Variants in GMDS observed in about 807,000 individuals in gnomAD.
GMDS encodes the protein GDP-mannose 4,6-dehydratase.
A neutral mutation model predicts 49.9 loss-of-function variants in GMDS; 20 were observed. That is an observed-to-expected ratio of 0.40 (90% CI 0.28 to 0.58). GMDS has a LOEUF of 0.58. GMDS is among the 20% of genes least tolerant of loss of function. The pLI is 0.42. For synonymous variants in GMDS, 177 were observed against 178.6 expected (o/e 0.99, Z 0.07); for missense variants, 362 against 481.4 (o/e 0.75, Z 2.32).
intron 4 of GMDS, among the ~76,000 whole-genome samples, chr6:2,111,927 A>G (rs1302585176): frequency 1.3e-5 from 2 of 152,212 alleles, no homozygotes; most frequent in African/African-American, 2.4e-5. Flanking sequence ...AACAATTGCA[A>G]CCCACCATGG....
At chr6:2,059,387 AATT>A (rs1770985800) in intron 4 of GMDS, among the ~76,000 whole-genome samples, 1 of 151,928 alleles carries the variant, frequency 6.6e-6, no homozygotes, top group African/African-American at 2.4e-5. Context: ...TGTTTTAGAA[AATT>A]ATTCACTTAT....
chr6:2,165,288 C>T (rs1430163015), intron 1 of GMDS, among the ~76,000 whole-genome samples: 2 of 152,202 alleles, frequency 1.3e-5, no homozygotes, highest in African/African-American at 4.8e-5. Context: ...GATCTGCAGT[C>T]CACACGCTGA....
chr6:1,967,724 G>A (rs992512468), intron 4 of GMDS, among the ~76,000 whole-genome samples: 3 of 152,164 alleles, frequency 2.0e-5, no homozygotes, highest in African/African-American at 2.4e-5. Context: ...CCTCAGGGGC[G>A]AGTAGCAAAG....
chr6:2,208,187 C>A (rs1480170057), intron 1 of GMDS, among the ~76,000 whole-genome samples: 2 of 152,186 alleles, frequency 1.3e-5, no homozygotes, highest in Admixed American at 1.3e-4. Context: ...TAATCAATGA[C>A]CTAGGTAGCC....
intron 9 of GMDS, among the ~76,000 whole-genome samples, chr6:1,630,048 C>G (rs548199461): frequency 1.3e-5 from 2 of 152,176 alleles, no homozygotes; most frequent in East Asian, 3.9e-4. Flanking sequence ...ATAGTGCAAC[C>G]TACATATAAA....
intron 1 of GMDS, among the ~76,000 whole-genome samples, chr6:2,135,092 CA>C (rs1775928523): frequency 6.6e-6 from 1 of 152,152 alleles, no homozygotes; most frequent in Admixed American, 6.5e-5. Context: ...ATTCTAATTA[CA>C]GTGTTATGTC....
intron 2 of GMDS, among the ~76,000 whole-genome samples, chr6:2,118,682 GA>G (rs1423455347): frequency 6.6e-6 from 1 of 152,098 alleles, no homozygotes; most frequent in Non-Finnish European, 1.5e-5. Context: ...TGCTTTGGAA[GA>G]AAAGCACTCA....
chr6:1,947,442 A>G (rs889965618), intron 6 of GMDS, among the ~76,000 whole-genome samples: 14 of 152,142 alleles, frequency 9.2e-5, no homozygotes, highest in Admixed American at 7.2e-4. Context: ...CCTTCTTTAC[A>G]CTGTGTGGGC....
At chr6:1,800,216 G>C (rs80129121) in intron 7 of GMDS, among the ~76,000 whole-genome samples, 2 of 152,270 alleles carry the variant, frequency 1.3e-5, no homozygotes, top group East Asian at 3.9e-4. Context: ...TAAGTAACAT[G>C]ATATATGGAA....
intron 7 of GMDS, among the ~76,000 whole-genome samples, chr6:1,898,740 C>T (rs960454773): frequency 8.5e-5 from 13 of 152,150 alleles, no homozygotes; most frequent in African/African-American, 2.9e-4. Context: ...CAACTTCCTG[C>T]GGGGAGATGA....
At chr6:2,173,239 T>C (rs2127556093) in intron 1 of GMDS, among the ~76,000 whole-genome samples, 1 of 152,192 alleles carries the variant, frequency 6.6e-6, no homozygotes, top group South Asian at 2.1e-4. Flanking sequence ...AATAGAAAAA[T>C]CTTCCTGCCT....
chr6:1,945,535 G>A (rs1031100079), intron 6 of GMDS, among the ~76,000 whole-genome samples: 3 of 152,202 alleles, frequency 2.0e-5, no homozygotes, highest in South Asian at 4.2e-4. Flanking sequence ...GGTTATAGTC[G>A]GGTTGGCTTG....
intron 4 of GMDS, among the ~76,000 whole-genome samples, chr6:2,059,491 G>A (rs1248222492): frequency 3.2e-4 from 48 of 149,364 alleles, no homozygotes; most frequent in African/African-American, 1.1e-3. Flanking sequence ...GGTGGATCAC[G>A]AGGTCAGGAG....
At chr6:1,726,258 A>G (rs1766582088) in intron 9 of GMDS, among the ~76,000 whole-genome samples, 158 bp downstream of exon 9, 1 of 152,262 alleles carries the variant, frequency 6.6e-6, no homozygotes, top group Non-Finnish European at 1.5e-5. Flanking sequence ...ATAATCTCAA[A>G]TTGAATTCAC....
chr6:1,680,106 A>C (rs1020154293), intron 9 of GMDS, among the ~76,000 whole-genome samples: 1 of 152,220 alleles, frequency 6.6e-6, no homozygotes, highest in African/African-American at 2.4e-5. Flanking sequence ...GTACACTGAA[A>C]TTACGCGCAC....
At chr6:1,968,051 G>A (rs1764367564) in intron 4 of GMDS, among the ~76,000 whole-genome samples, 1 of 152,176 alleles carries the variant, frequency 6.6e-6, no homozygotes, top group Non-Finnish European at 1.5e-5. Flanking sequence ...AGACCTCACA[G>A]CAAATAAAAC....
At chr6:2,007,549 G>GT (rs1349950384) in intron 4 of GMDS, among the ~76,000 whole-genome samples, 1 of 151,120 alleles carries the variant, frequency 6.6e-6, no homozygotes, top group Non-Finnish European at 1.5e-5. Context: ...GTTACTTTCA[G>GT]TTTTTTCTTT....
At chr6:1,723,089 T>G (rs1480782020) in intron 9 of GMDS, among the ~76,000 whole-genome samples, 1 of 152,150 alleles carries the variant, frequency 6.6e-6, no homozygotes, top group African/African-American at 2.4e-5. Context: ...TTTGAGGCAC[T>G]AAATCAATGA....
At chr6:2,034,585 A>G (rs934154281) in intron 4 of GMDS, among the ~76,000 whole-genome samples, 2 of 152,210 alleles carry the variant, frequency 1.3e-5, no homozygotes, top group African/African-American at 4.8e-5. Context: ...CGCTGTTATT[A>G]AAAAACGTAA....
Sources: gnomAD v4.1 joint callset for allele counts (sites outside exome capture counted in the v4.1 genomes callset) on GRCh38, gnomAD v4.1.1 for gene constraint, MANE v1.5 for transcripts, NCBI Gene and HGNC (gene_info 2026-07-23, HGNC 2026-07-21) for gene names.